PAICS: variants seen among roughly 807,000 people sequenced by gnomAD.
The protein encoded by PAICS is phosphoribosylaminoimidazole carboxylase and phosphoribosylaminoimidazolesuccinocarboxamide synthase.
A neutral mutation model predicts 53.7 loss-of-function variants in PAICS; 33 were observed. That is an observed-to-expected ratio of 0.61 (90% CI 0.47 to 0.82). The LOEUF (loss-of-function observed/expected upper bound fraction) is 0.82. PAICS is among the 40% of genes least tolerant of loss of function. The pLI is 0.00. For synonymous variants in PAICS, 141 were observed against 167.2 expected (o/e 0.84, Z 1.21); for missense variants, 394 against 494.1 (o/e 0.80, Z 1.92).
the PAICS span, chr4:56,429,048 C>A: frequency 1.9e-6 from 1 of 536,450 alleles, no homozygotes; most frequent in Non-Finnish European, 2.4e-6. Flanking sequence ...ACAGTGGAAA[C>A]AACTTGTTGC....
At chr4:56,439,969 T>A (rs1037402263) in intron 1 of PAICS, among the ~76,000 whole-genome samples, 3 of 152,240 alleles carry the variant, frequency 2.0e-5, no homozygotes, top group African/African-American at 7.2e-5. Flanking sequence ...CTAACTGGTC[T>A]TCCAAGCTCT....
chr4:56,427,617 G>A, the PAICS span, among the ~76,000 whole-genome samples: 4 of 149,618 alleles, frequency 2.7e-5, no homozygotes, highest in African/African-American at 4.9e-5. Flanking sequence ...CGCCAGCCTC[G>A]GCAACATAGT....
At chr4:56,444,556 A>G (rs1718503172) in intron 2 of PAICS, among the ~76,000 whole-genome samples, 3 of 152,206 alleles carry the variant, frequency 2.0e-5, no homozygotes, top group Non-Finnish European at 4.4e-5. Context: ...AGAGTGTGTC[A>G]GTGACATAAA....
intron 6 of PAICS, 33 bp from the exon 7 acceptor site, chr4:56,451,839 T>C: frequency 7.2e-7 from 1 of 1,397,486 alleles, no homozygotes; most frequent in South Asian, 1.5e-5. Flanking sequence ...TTTGTTTTTA[T>C]GTTCTTTTCA....
At chr4:56,423,835 A>G in the PAICS span, among the ~76,000 whole-genome samples, 4 of 152,200 alleles carry the variant, frequency 2.6e-5, no homozygotes, top group African/African-American at 9.6e-5. Context: ...CTAAATACGT[A>G]AGAAAAAAAC....
chr4:56,435,950 G>C (rs772610832), upstream of PAICS: 2 of 1,493,176 alleles, frequency 1.3e-6, no homozygotes, highest in Non-Finnish European at 1.8e-6. Flanking sequence ...CTTCTGAGTC[G>C]CTCCCGCAGC....
At chr4:56,415,209 AAATAG>A in the PAICS span, among the ~76,000 whole-genome samples, 12 of 152,342 alleles carry the variant, frequency 7.9e-5, no homozygotes, top group African/African-American at 2.6e-4. Context: ...TTACTCAATA[AAATAG>A]AAGTGGAAAA....
the PAICS span, chr4:56,421,883 T>C: frequency 5.9e-5 from 9 of 152,182 alleles, no homozygotes; most frequent in Admixed American, 3.3e-4. Context: ...CCAATATCTA[T>C]AGTGACAAAA....
chr4:56,451,655 T>G (rs1417578498), intron 6 of PAICS, among the ~76,000 whole-genome samples: 1 of 152,210 alleles, frequency 6.6e-6, no homozygotes, highest in Non-Finnish European at 1.5e-5. Context: ...ATTTGTCTGA[T>G]AAAAATTGAA....
chr4:56,437,570 C>T (rs1344506727), intron 1 of PAICS, among the ~76,000 whole-genome samples: 1 of 151,356 alleles, frequency 6.6e-6, no homozygotes, highest in Non-Finnish European at 1.5e-5. Flanking sequence ...GCCTGTAATC[C>T]CCAGCACTTT....
the PAICS span, among the ~76,000 whole-genome samples, chr4:56,415,867 C>T: frequency 0.19 from 29,178 of 151,910 alleles, 3,140 homozygotes; most frequent in Admixed American, 0.33. Flanking sequence ...GTTAGGAGCT[C>T]GAGACCAGCC....
intron 8 of PAICS, among the ~76,000 whole-genome samples, chr4:56,454,203 G>C (rs1311283163): frequency 6.6e-6 from 1 of 152,166 alleles, no homozygotes; most frequent in African/African-American, 2.4e-5. Flanking sequence ...GGATTAGTAG[G>C]TGATTGGTGG....
At chr4:56,436,064 G>A (rs1012576321), upstream of PAICS, 2 of 1,501,254 alleles carry the variant, frequency 1.3e-6, no homozygotes, top group Non-Finnish European at 1.8e-6. Context: ...GGGCGGCCCG[G>A]AGGCGGGGTC....
chr4:56,426,745 A>AT, the PAICS span, among the ~76,000 whole-genome samples: 1 of 152,040 alleles, frequency 6.6e-6, no homozygotes, highest in African/African-American at 2.4e-5. Context: ...TTCTGGTACA[A>AT]TTTTTTTCCC....
the PAICS span, among the ~76,000 whole-genome samples, chr4:56,426,855 T>A: frequency 2.6e-5 from 4 of 152,206 alleles, no homozygotes; most frequent in South Asian, 8.3e-4. Flanking sequence ...AGCTTTTTCA[T>A]CATTCCAAAC....
At chr4:56,446,933 A>G in intron 3 of PAICS, 60 bp downstream of exon 3, 2 of 1,052,878 alleles carry the variant, frequency 1.9e-6, no homozygotes, top group South Asian at 2.1e-5. Flanking sequence ...ATTTATAATT[A>G]GAAACTCTAA....
At chr4:56,410,930 A>AT in the PAICS span, 1 of 887,070 alleles carries the variant, frequency 1.1e-6, no homozygotes, top group Non-Finnish European at 1.3e-6. Context: ...AAAAAAAAAG[A>AT]AAAGTACTCT....
rs1041691767 is a variant in PAICS, at chr4:56,460,134, A to G, written c.*596A>G. The stretch of plus-strand genomic sequence containing the variant: ...ACTCCTGAACCCTAGTAATTCTCCT[A>G]TCTCAGCCTCCCAAAGTGCTAGGGT... On this transcript the variant is annotated 3_prime_UTR_variant, in exon 9 of 9. Coordinates refer to ENST00000512576, the MANE Select transcript of PAICS (RefSeq NM_001079524.2). 1 of 152,132 alleles carries G rather than the reference A, an allele frequency of 6.6e-6. No individual in the cohort carries two copies. Among genetic ancestry groups the G allele is most frequent in the East Asian group, 1.9e-4 (1 of 5,182 alleles). The allele number at this position is 152,132 out of a possible 1,614,324, so 9.4% of individuals were successfully genotyped here.
At chr4:56,455,972 T>G (rs977940135) in intron 8 of PAICS, among the ~76,000 whole-genome samples, 10 of 152,228 alleles carry the variant, frequency 6.6e-5, no homozygotes, top group African/African-American at 2.2e-4. Flanking sequence ...CCATATTCTC[T>G]CTTCTCATTT....
Sources: gnomAD v4.1 joint callset for allele counts (sites outside exome capture counted in the v4.1 genomes callset) on GRCh38, gnomAD v4.1.1 for gene constraint, MANE v1.5 for transcripts, NCBI Gene and HGNC (gene_info 2026-07-23, HGNC 2026-07-21) for gene names.